The following SETBP1 variants were observed in gnomAD, a reference collection of about 807,000 sequenced individuals.
The protein encoded by SETBP1 is SET binding protein 1.
In SETBP1, 9 loss-of-function variants were observed where a neutral mutation model predicts 101.0. The ratio of observed to expected loss-of-function variants is 0.09; its 90% confidence interval spans 0.05 to 0.16. SETBP1 has a LOEUF of 0.16. Among genes scored for constraint, SETBP1 ranks in the 10% least tolerant of loss-of-function variants. The probability of loss-of-function intolerance (pLI) is 1.00; values close to 1 mark genes in which losing one functional copy is unlikely to be tolerated. For synonymous variants in SETBP1, 818 were observed against 788.5 expected (o/e 1.04, Z -0.63); for missense variants, 1,858 against 2,033.8 (o/e 0.91, Z 1.66).
Position 44,952,767 on chromosome 18 carries a change from T to C in SETBP1, c.3427T>C (p.Ser1143Pro), listed in dbSNP as rs762890510. The C allele has an allele frequency of 1.4e-5, 22 of 1,613,870 alleles. No homozygotes were observed. Among genetic ancestry groups the C allele is most frequent in the Middle Eastern group, 1.6e-4 (1 of 6,084 alleles). The change falls in exon 4 of 6, where the codon TCC (serine) becomes CCC (proline). Residue 1143 changes from serine (S) to proline (P), a missense_variant. Physicochemically the swap from Ser to Pro is moderately conservative, Grantham distance 74. Coordinates refer to ENST00000649279, the MANE Select transcript of SETBP1 (RefSeq NM_015559.3). ...NPPKVGSASLSSGRLHKRKHK... is the reference protein window; with the variant it reads ...NPPKVGSASLPSGRLHKRKHK... ...TCCCAAGGTAGGCAGTGCCAGTCTGTCCAGTGGTCGGCTCCATAAGAGGAA... is the reference window on the plus strand; with the variant it reads ...TCCCAAGGTAGGCAGTGCCAGTCTGCCCAGTGGTCGGCTCCATAAGAGGAA...
chr18:44,688,097 G>A (rs1208290363), intron 1 of SETBP1, among the ~76,000 whole-genome samples: 1 of 152,202 alleles, frequency 6.6e-6, no homozygotes, highest in Non-Finnish European at 1.5e-5. Context: ...TGGATATTTA[G>A]GAAGAGGAAG....
rs188663381 is a variant in SETBP1, at chr18:44,929,023, A to G, written c.541-20858A>G. Among the ~76,000 whole-genome samples the G allele has an allele frequency of 1.3e-4, 20 of 152,244 alleles. No individual in the cohort carries two copies. The East Asian group carries it at 2.3e-3, about 18-fold the overall frequency. On this transcript the variant is annotated intron_variant, in intron 3 of 5. Coordinates refer to ENST00000649279, the MANE Select transcript of SETBP1 (RefSeq NM_015559.3). ...CCTTGCCCATGCCTATGTCGTGAAT[A>G]GTATTGCCTAGGTTTTCTTCTAGGG...
intron 5 of SETBP1, among the ~76,000 whole-genome samples, chr18:45,040,879 C>T (rs985267900): frequency 6.6e-6 from 1 of 152,174 alleles, no homozygotes; most frequent in Non-Finnish European, 1.5e-5. Context: ...TGGTCCATTT[C>T]CGGGTCTCTG....
chr18:44,928,053 T>C (rs2070743785), intron 3 of SETBP1, among the ~76,000 whole-genome samples: 1 of 141,810 alleles, frequency 7.1e-6, no homozygotes, highest in Non-Finnish European at 1.5e-5. Flanking sequence ...TTACATTAGG[T>C]ATATCTCCTA....
In SETBP1 at chr18:44,953,120, G is replaced by A. The variant is rs573095863; in HGVS notation, c.3780G>A (p.Thr1260=). The change falls in exon 4 of 6, where the codon ACG becomes ACA. Residue 1260 remains threonine (T), a synonymous_variant. Coordinates refer to ENST00000649279, the MANE Select transcript of SETBP1 (RefSeq NM_015559.3). ...GCAGTGAGCCTGTGGACTCATGCAC[G>A]AAAAGATACTCTGGCAGTGGCGGGG... ...DLSSEPVDSC[T]KRYSGSGGDG... is the part of the protein sequence containing the mutation. 2.0e-5 allele frequency: 33 copies of A among 1,614,170 alleles called. No homozygotes were observed. The highest frequency in any genetic ancestry group is 1.1e-4 in the African/African-American group (8 of 75,056).
At chr18:44,901,747 G>C (rs752004192) in intron 3 of SETBP1, among the ~76,000 whole-genome samples, 7 of 152,206 alleles carry the variant, frequency 4.6e-5, no homozygotes, top group African/African-American at 7.2e-5. Context: ...GGAAACACTT[G>C]ATACTGGGGA....
intron 4 of SETBP1, among the ~76,000 whole-genome samples, chr18:45,034,347 C>T (rs1172228547): frequency 6.6e-6 from 1 of 152,168 alleles, no homozygotes; most frequent in Non-Finnish European, 1.5e-5. Context: ...TTGAACTGAG[C>T]TCCAAGTAAC....
intron 1 of SETBP1, among the ~76,000 whole-genome samples, chr18:44,684,678 C>G (rs2068809094): frequency 6.6e-6 from 1 of 151,474 alleles, no homozygotes; most frequent in Non-Finnish European, 1.5e-5. Context: ...CAGAGTCTCG[C>G]TCTTGTTGCC....
chr18:45,038,315 C>G (rs554022759), intron 4 of SETBP1, among the ~76,000 whole-genome samples, 170 bp from the exon 5 acceptor site: 2 of 152,208 alleles, frequency 1.3e-5, no homozygotes, highest in Non-Finnish European at 2.9e-5. Flanking sequence ...AAAAGCAAAA[C>G]CAGTCATAGC....
chr18:44,938,754 A>G (rs1451790006), intron 3 of SETBP1, among the ~76,000 whole-genome samples: 2 of 152,188 alleles, frequency 1.3e-5, no homozygotes, highest in Non-Finnish European at 2.9e-5. Context: ...GAGAGGAGAG[A>G]ACAATGGTGT....
chr18:45,027,735 T>G (rs1383839482), intron 4 of SETBP1, among the ~76,000 whole-genome samples: 1 of 152,202 alleles, frequency 6.6e-6, no homozygotes, highest in African/African-American at 2.4e-5. Context: ...GTTAGTTTTC[T>G]CTTGCTGCCA....
At chr18:44,774,550 C>T (rs953814384) in intron 2 of SETBP1, among the ~76,000 whole-genome samples, 5 of 152,038 alleles carry the variant, frequency 3.3e-5, no homozygotes, top group African/African-American at 4.8e-5. Context: ...ACAAGTAGGA[C>T]GTGTAGAGGA....
intron 2 of SETBP1, among the ~76,000 whole-genome samples, chr18:44,713,418 A>G (rs2069389544): frequency 6.6e-6 from 1 of 152,132 alleles, no homozygotes; most frequent in African/African-American, 2.4e-5. Context: ...TCCCTTTTAT[A>G]GCCTAGATAT....
intron 2 of SETBP1, among the ~76,000 whole-genome samples, chr18:44,716,302 C>G (rs141003454): frequency 6.6e-6 from 1 of 151,942 alleles, no homozygotes; most frequent in East Asian, 1.9e-4. Flanking sequence ...AGAACCTATA[C>G]GTTAATCCCT....
chr18:44,848,586 A>G (rs2072777701), intron 2 of SETBP1, among the ~76,000 whole-genome samples: 1 of 152,232 alleles, frequency 6.6e-6, no homozygotes, highest in South Asian at 2.1e-4. Flanking sequence ...GATGAAGAAG[A>G]TAAATTCATC....
chr18:44,701,299 T>C lies in SETBP1; in HGVS notation c.-48T>C. ...TCTTTTCTCACCTTTCCCTTTTCCC[T>C]TTTCCCCTTCCCCCTCCTGAGAACT... On this transcript the variant is annotated 5_prime_UTR_variant, in exon 2 of 6. Coordinates refer to ENST00000649279, the MANE Select transcript of SETBP1 (RefSeq NM_015559.3). 1.4e-6 allele frequency: 2 copies of C among 1,450,686 alleles called. No homozygotes were observed. The highest frequency in any genetic ancestry group is 5.0e-5 in the East Asian group (2 of 39,996). The allele number at this position is 1,450,686 out of a possible 1,614,324, so 89.9% of individuals were successfully genotyped here. A position where few individuals can be genotyped will look rare whatever the true frequency, so the allele number is the denominator to read the frequency against.
intron 2 of SETBP1, among the ~76,000 whole-genome samples, chr18:44,751,178 A>G (rs1170945753): frequency 1.3e-5 from 2 of 152,204 alleles, no homozygotes; most frequent in African/African-American, 4.8e-5. Flanking sequence ...TAGGCAAGGG[A>G]GGAGAAAGAA....
At chr18:45,031,175 T>C (rs1192967546) in intron 4 of SETBP1, among the ~76,000 whole-genome samples, 1 of 152,196 alleles carries the variant, frequency 6.6e-6, no homozygotes, top group East Asian at 1.9e-4. Flanking sequence ...TTTCACTAAC[T>C]CTTCTCTTCT....
At chr18:44,861,692 A>G (rs1474141928) in intron 2 of SETBP1, among the ~76,000 whole-genome samples, 2 of 152,180 alleles carry the variant, frequency 1.3e-5, no homozygotes, top group Non-Finnish European at 2.9e-5. Context: ...CCCAGAGACT[A>G]CTTTAGTCTC....
Sources: gnomAD v4.1 joint callset for allele counts (sites outside exome capture counted in the v4.1 genomes callset) on GRCh38, gnomAD v4.1.1 for gene constraint, MANE v1.5 for transcripts, NCBI Gene and HGNC (gene_info 2026-07-23, HGNC 2026-07-21) for gene names.